TMEM217: variants seen among roughly 807,000 people sequenced by gnomAD.
TMEM217 encodes transmembrane protein 217, also known as chromosome 6 open reading frame 128.
For synonymous variants in TMEM217, 76 were observed against 88.3 expected, an observed-to-expected ratio of 0.86 and a Z score of 0.78; for missense variants, 204 against 248.8, an observed-to-expected ratio of 0.82 and a Z score of 1.21.
intron 1 of TMEM217, among the ~76,000 whole-genome samples, chr6:37,226,265 GT>G (rs1236378848): frequency 4.0e-5 from 3 of 75,168 alleles, no homozygotes; most frequent in African/African-American, 1.4e-4. Context: ...GTTTTATTTT[GT>G]TTTTTTGAGA....
intron 1 of TMEM217, among the ~76,000 whole-genome samples, chr6:37,221,898 T>G (rs1167155499): frequency 6.6e-6 from 1 of 152,200 alleles, no homozygotes; most frequent in Non-Finnish European, 1.5e-5. Context: ...GAGAAGGCCC[T>G]GGAGAGGGTT....
chr6:37,212,579 G>A (rs1150789), exon 4 of TMEM217: 268,662 of 468,924 alleles, frequency 0.57, 79,892 homozygotes, highest in East Asian at 0.84. Flanking sequence ...AAGTGCAGGA[G>A]CATGTGTGAG....
chr6:37,228,517 A>G (rs1763969418), intron 1 of TMEM217, among the ~76,000 whole-genome samples: 1 of 152,230 alleles, frequency 6.6e-6, no homozygotes, highest in South Asian at 2.1e-4. Context: ...CAGCCTGACC[A>G]ATATGGTGAA....
At chr6:37,220,616 T>C (rs1326757585) in intron 1 of TMEM217, among the ~76,000 whole-genome samples, 2 of 152,110 alleles carry the variant, frequency 1.3e-5, no homozygotes, top group African/African-American at 2.4e-5. Flanking sequence ...ATAAATCTTG[T>C]TTAAAGTCGT....
At chr6:37,230,610 C>T (rs1764145051) in intron 1 of TMEM217, among the ~76,000 whole-genome samples, 1 of 151,984 alleles carries the variant, frequency 6.6e-6, no homozygotes, top group South Asian at 2.1e-4. Context: ...TGAGGGTGGC[C>T]ATCTACAAAA....
rs190453477 is a variant in TMEM217, at chr6:37,258,060, C to T, written c.-504G>A. The T allele has an allele frequency of 1.1e-5, 16 of 1,469,564 alleles. No homozygotes were observed. The East Asian group carries it at 3.9e-4, about 36-fold the overall frequency. 91.0% of individuals were successfully genotyped at this position (1,469,564 alleles called of 1,614,324 possible). The stretch of plus-strand genomic sequence containing the variant: ...TGAATCCCGCGGGCCTGGGGCGCCA[C>T]AGAGGCCAGAAGACTGGTTTGGGGA... On this transcript the variant is annotated 5_prime_UTR_variant, in exon 1 of 2. The change creates a new upstream start codon in the 5' untranslated region. Transcript: ENST00000357219.
At chr6:37,212,237 C>T (rs935521135) in exon 4 of TMEM217, 3 of 340,602 alleles carry the variant, frequency 8.8e-6, no homozygotes, top group African/African-American at 6.4e-5. Context: ...AGTCACACAA[C>T]ACATCTGTAA....
At chr6:37,240,161 T>C (rs1205917694) in intron 1 of TMEM217, among the ~76,000 whole-genome samples, 1 of 152,188 alleles carries the variant, frequency 6.6e-6, no homozygotes, top group Non-Finnish European at 1.5e-5. Flanking sequence ...TGTAACAAAT[T>C]ACCTCAAACC....
At chr6:37,251,456 A>G (rs1168812061) in intron 1 of TMEM217, among the ~76,000 whole-genome samples, 3 of 150,964 alleles carry the variant, frequency 2.0e-5, no homozygotes, top group Non-Finnish European at 4.4e-5. Context: ...ATAACAGGAA[A>G]TGAGAATTGA....
At chr6:37,229,315 C>T (rs1289382811) in intron 1 of TMEM217, among the ~76,000 whole-genome samples, 1 of 145,000 alleles carries the variant, frequency 6.9e-6, no homozygotes, top group Non-Finnish European at 1.5e-5. Flanking sequence ...AAATCTGACT[C>T]GTCTCCCTAG....
intron 1 of TMEM217, among the ~76,000 whole-genome samples, chr6:37,229,594 C>G (rs982974752): frequency 5.3e-5 from 8 of 151,962 alleles, no homozygotes; most frequent in Non-Finnish European, 1.0e-4. Context: ...CACCCGCCTC[C>G]GCCTCCCAAA....
chr6:37,244,967 A>G (rs1211309626), intron 1 of TMEM217, among the ~76,000 whole-genome samples: 1 of 152,158 alleles, frequency 6.6e-6, no homozygotes, highest in African/African-American at 2.4e-5. Context: ...CATGTTTTTC[A>G]TCATCCAGCA....
intron 1 of TMEM217, among the ~76,000 whole-genome samples, chr6:37,246,983 G>T (rs1412410797): frequency 1.3e-5 from 2 of 152,090 alleles, no homozygotes; most frequent in East Asian, 3.9e-4. Flanking sequence ...ATGGTTAGGA[G>T]TTTGGATTTC....
intron 1 of TMEM217, among the ~76,000 whole-genome samples, chr6:37,233,945 A>T (rs1343879263): frequency 1.3e-5 from 2 of 152,224 alleles, no homozygotes; most frequent in Admixed American, 1.3e-4. Context: ...GTAATGCAAT[A>T]AATTACATGA....
At chr6:37,257,896 A>G in exon 1 of TMEM217, 1 of 1,612,566 alleles carries the variant, frequency 6.2e-7, no homozygotes, top group South Asian at 1.1e-5. Context: ...CCCGCCTACA[A>G]GGACTTCCCC....
chr6:37,250,979 G>T (rs1234926811), intron 1 of TMEM217, among the ~76,000 whole-genome samples: 1 of 152,182 alleles, frequency 6.6e-6, no homozygotes, highest in African/African-American at 2.4e-5. Flanking sequence ...GATGAAGGTA[G>T]ATTACTGCCC....
At chr6:37,241,323 G>A (rs1764755258) in intron 1 of TMEM217, among the ~76,000 whole-genome samples, 4 of 152,004 alleles carry the variant, frequency 2.6e-5, no homozygotes, top group South Asian at 2.1e-4. Context: ...AGAAAAAAAA[G>A]GTGGCTGTCT....
At chr6:37,221,223 G>T (rs1420174530) in intron 1 of TMEM217, among the ~76,000 whole-genome samples, 7 of 149,410 alleles carry the variant, frequency 4.7e-5, no homozygotes, top group Non-Finnish European at 1.0e-4. Context: ...GTCTCGCTCT[G>T]TCGCCCAGGC....
At chr6:37,229,006 A>C (rs1016556482) in intron 1 of TMEM217, among the ~76,000 whole-genome samples, 9 of 152,172 alleles carry the variant, frequency 5.9e-5, no homozygotes, top group East Asian at 3.9e-4. Context: ...CAAAAAAAAA[A>C]CAAAAAACAA....
Sources: gnomAD v4.1 joint callset for allele counts (sites outside exome capture counted in the v4.1 genomes callset) on GRCh38, gnomAD v4.1.1 for gene constraint, MANE v1.5 for transcripts, NCBI Gene and HGNC (gene_info 2026-07-23, HGNC 2026-07-21) for gene names.